The following DISC1 variants were observed in gnomAD, a reference collection of about 807,000 sequenced individuals.
The protein encoded by DISC1 is DISC1 scaffold protein, also known as disrupted in schizophrenia 1 protein.
Under a neutral mutation model 84.5 loss-of-function variants are expected in DISC1, and 57 were observed. The ratio of observed to expected loss-of-function variants is 0.67; its 90% CI spans 0.55 to 0.84. The LOEUF (loss-of-function observed/expected upper bound fraction) is 0.84, where lower values mean the gene tolerates loss of function less well. Among genes scored for constraint, DISC1 ranks in the 40% least tolerant of loss-of-function variants. The pLI, the probability that DISC1 is intolerant of heterozygous loss-of-function variation, is 0.00. For missense variants in DISC1, 1,000 were observed against 1,057.8 expected (o/e 0.95, Z 0.76); for synonymous variants, 411 against 415.2 (o/e 0.99, Z 0.12).
intron 1 of DISC1, among the ~76,000 whole-genome samples, chr1:231,674,078 A>G (rs1377837293): frequency 6.6e-6 from 1 of 152,204 alleles, no homozygotes; most frequent in African/African-American, 2.4e-5. Context: ...CAGTGATCTT[A>G]TCTTAAAAAT....
At position 231,749,956 on chromosome 1, in the gene DISC1, T is replaced by C. The variant is rs1467388316; in HGVS notation, c.1148T>C (p.Leu383Pro). The C allele has an allele frequency of 3.1e-6, 5 of 1,614,214 alleles. No homozygotes were observed. The highest frequency in any genetic ancestry group is 2.2e-5 in the East Asian group (1 of 44,880). ...ACGTTACAACAAAGATTAGAAGACC[T>C]GGAACAAGAGAAAATCAGCCTGCAC... ...AETLQQRLED[L>P]EQEKISLHFQ... The change falls in exon 4 of 13, where the codon CTG (leucine) becomes CCG (proline). Residue 383 changes from leucine to proline, a missense_variant. Coordinates refer to ENST00000439617, the MANE Select transcript of DISC1 (RefSeq NM_018662.3).
chr1:231,991,438 G>A (rs548638467), intron 10 of DISC1, among the ~76,000 whole-genome samples: 6 of 152,276 alleles, frequency 3.9e-5, no homozygotes, highest in African/African-American at 1.2e-4. Context: ...AAAATTCCTT[G>A]GCTGCCCTTA....
intron 9 of DISC1, among the ~76,000 whole-genome samples, chr1:231,930,741 A>G (rs1008498121): frequency 3.3e-5 from 5 of 152,112 alleles, no homozygotes; most frequent in Non-Finnish European, 4.4e-5. Context: ...ATCAACATAG[A>G]TGGGTGCAAA....
chr1:231,629,148 T>A (rs1227880513), intron 1 of DISC1, among the ~76,000 whole-genome samples: 1 of 152,238 alleles, frequency 6.6e-6, no homozygotes, highest in Non-Finnish European at 1.5e-5. Flanking sequence ...AAATATACTT[T>A]AAACTATCTT....
chr1:231,784,665 CT>C (rs1297821745), intron 6 of DISC1, among the ~76,000 whole-genome samples: 1 of 152,204 alleles, frequency 6.6e-6, no homozygotes, highest in Non-Finnish European at 1.5e-5. Flanking sequence ...TCTTTCTATA[CT>C]TTATTCCTCC....
At chr1:231,977,096 A>C (rs1288820256) in intron 10 of DISC1, among the ~76,000 whole-genome samples, 4 of 152,222 alleles carry the variant, frequency 2.6e-5, no homozygotes, top group Non-Finnish European at 5.9e-5. Context: ...ATTTCCAAAC[A>C]TATACAAAAC....
chr1:231,928,197 T>C (rs887369726), intron 9 of DISC1, among the ~76,000 whole-genome samples: 1 of 152,228 alleles, frequency 6.6e-6, no homozygotes, highest in African/African-American at 2.4e-5. Flanking sequence ...ATTTCTGCTC[T>C]CAGCTATTAA....
chr1:231,992,587 C>T lies in DISC1; in HGVS notation c.2043-16198C>T, dbSNP rs144624555. Among the ~76,000 whole-genome samples, 743 of 152,204 alleles carry T rather than the reference C, an allele frequency of 4.9e-3. 4 individuals are homozygous for T. Among genetic ancestry groups the T allele is most frequent in the African/African-American group, 0.016 (660 of 41,518 alleles). ...TTGCTTAGAAAGTTTTTCCCCACTT[C>T]GAGTCAGTCAAATAATGTAAAAATT... On this transcript the variant is annotated intron_variant, in intron 10 of 12. Coordinates refer to ENST00000439617, the MANE Select transcript of DISC1 (RefSeq NM_018662.3).
At chr1:231,651,872 C>T (rs1451188910) in intron 1 of DISC1, among the ~76,000 whole-genome samples, 1 of 152,250 alleles carries the variant, frequency 6.6e-6, no homozygotes, top group African/African-American at 2.4e-5. Flanking sequence ...AGCAAGGCTC[C>T]ATGGGTGTGG....
intron 9 of DISC1, among the ~76,000 whole-genome samples, chr1:231,836,815 C>T (rs185024168): frequency 2.0e-5 from 3 of 152,256 alleles, no homozygotes; most frequent in East Asian, 1.9e-4. Flanking sequence ...CGCTAAGCCC[C>T]GCCCCGCCCC....
At chr1:231,649,148 T>G (rs1429477557) in intron 1 of DISC1, among the ~76,000 whole-genome samples, 2 of 152,212 alleles carry the variant, frequency 1.3e-5, no homozygotes, top group Non-Finnish European at 2.9e-5. Flanking sequence ...ATTGTGATGT[T>G]AGGATGTCAA....
chr1:231,830,566 C>CGGCAGCGTAA (rs1054168182), intron 9 of DISC1, among the ~76,000 whole-genome samples: 2 of 152,032 alleles, frequency 1.3e-5, no homozygotes, highest in African/African-American at 4.8e-5. Flanking sequence ...CAGTGTAAAC[C>CGGCAGCGTAA]GGCAGCGTAA....
chr1:231,990,615 C>T (rs144565640), intron 10 of DISC1, among the ~76,000 whole-genome samples: 3,461 of 152,262 alleles, frequency 0.023, 70 homozygotes, highest in Non-Finnish European at 0.032. Flanking sequence ...CTCGCCTTTC[C>T]GTCTCGCACT....
At chr1:231,858,530 G>A (rs1187569374) in intron 9 of DISC1, among the ~76,000 whole-genome samples, 1 of 152,128 alleles carries the variant, frequency 6.6e-6, no homozygotes, top group Non-Finnish European at 1.5e-5. Context: ...ATTCTGGTCT[G>A]TGTCGCATGC....
At chr1:231,682,192 T>C (rs908303948) in intron 1 of DISC1, among the ~76,000 whole-genome samples, 1 of 152,114 alleles carries the variant, frequency 6.6e-6, no homozygotes, top group Non-Finnish European at 1.5e-5. Flanking sequence ...TGACAAAGTT[T>C]GTCTGGGTGT....
At chr1:231,904,814 A>G (rs914848959) in intron 9 of DISC1, among the ~76,000 whole-genome samples, 8 of 152,172 alleles carry the variant, frequency 5.3e-5, no homozygotes, top group African/African-American at 1.7e-4. Context: ...AACAAGGAAA[A>G]GATCAAAAAA....
At chr1:231,740,198 T>G (rs975428254) in intron 3 of DISC1, among the ~76,000 whole-genome samples, 2 of 152,182 alleles carry the variant, frequency 1.3e-5, no homozygotes, top group Admixed American at 6.5e-5. Context: ...TCTATGGTAC[T>G]CTGTAATAGC....
intron 9 of DISC1, among the ~76,000 whole-genome samples, chr1:231,877,617 C>T (rs1417483239): frequency 1.3e-5 from 2 of 152,160 alleles, no homozygotes; most frequent in South Asian, 2.1e-4. Flanking sequence ...ATTTCTGGTT[C>T]CTCTTCCCAT....
chr1:231,940,857 G>A (rs540737914), intron 9 of DISC1: 1 of 152,380 alleles, frequency 6.6e-6, no homozygotes, highest in African/African-American at 2.4e-5. Context: ...ATTGCAATGA[G>A]AGGCTGGCTG....
Sources: gnomAD v4.1 joint callset for allele counts (sites outside exome capture counted in the v4.1 genomes callset) on GRCh38, gnomAD v4.1.1 for gene constraint, MANE v1.5 for transcripts, NCBI Gene and HGNC (gene_info 2026-07-23, HGNC 2026-07-21) for gene names.